Variants in TOGARAM2 observed in about 807,000 individuals in gnomAD.
The protein encoded by TOGARAM2 is TOG array regulator of axonemal microtubules protein 2.
In TOGARAM2, 85 loss-of-function variants were observed where a neutral mutation model predicts 93.3. The observed-to-expected ratio is 0.91, with a 90% CI of 0.76 to 1.09. The LOEUF is 1.09. Among genes scored for constraint, TOGARAM2 ranks in the 50% least tolerant of loss-of-function variants. The probability of loss-of-function intolerance (pLI) is 0.00; values close to 1 mark genes in which losing one functional copy is unlikely to be tolerated. For synonymous variants in TOGARAM2, 593 were observed against 552.8 expected (o/e 1.07, Z -1.02); for missense variants, 1,277 against 1,334.5 (o/e 0.96, Z 0.67).
chr2:29,014,745 G>C (rs887462981), intron 8 of TOGARAM2, among the ~76,000 whole-genome samples, 184 bp downstream of exon 8: 4 of 152,084 alleles, frequency 2.6e-5, no homozygotes, highest in Non-Finnish European at 2.9e-5. Flanking sequence ...GAAGGCTGAA[G>C]AAAGGAAGAG....
upstream of TOGARAM2, among the ~76,000 whole-genome samples, chr2:28,977,602 C>G (rs1672056679): frequency 2.6e-5 from 4 of 152,188 alleles, no homozygotes; most frequent in South Asian, 8.3e-4. Context: ...TTCCTCTCCC[C>G]ACGTGCAGTC....
In TOGARAM2 at chr2:28,956,982, GGGAAT is replaced by G. The variant is rs370413803; in HGVS notation, c.-147+288_-147+292del. 1.6e-4 allele frequency among the ~76,000 whole-genome samples: 24 copies of G among 152,094 alleles called. 1 individual carries two copies. In the East Asian group the frequency reaches 2.4e-3, roughly 15 times the overall value. On this transcript the variant is annotated intron_variant, in intron 1 of 6. Transcript: ENST00000401723. The surrounding 1 kb of genome is among the most constrained non-coding windows in gnomAD (Gnocchi z 4.5). ...TCTACTAAAAGTACAAAAATTGGCC[GGGAAT>G]GGTGGAGGGCATCTGTAATCCCAGG...
chr2:28,979,056 T>C (rs1672075474), upstream of TOGARAM2, among the ~76,000 whole-genome samples: 1 of 152,230 alleles, frequency 6.6e-6, no homozygotes, highest in South Asian at 2.1e-4. Flanking sequence ...CCTTTCTTTC[T>C]GAGGTCTCTT....
In TOGARAM2 at chr2:29,036,547, G is replaced by A; in HGVS notation, c.2425G>A (p.Asp809Asn). The A allele has an allele frequency of 6.2e-7, 1 of 1,613,940 alleles. No individual in the cohort carries two copies. Among genetic ancestry groups the A allele is most frequent in the Non-Finnish European group, 8.5e-7 (1 of 1,179,890 alleles). ...LVTAHLVQVFDAFTPRLQDSN... is the reference protein window; with the variant it reads ...LVTAHLVQVFNAFTPRLQDSN... ...GTTTCTGTTTCTTCAATAGGTCTTT[G>A]ATGCTTTCACCCCAAGGCTTCAGGA... Residue 809 changes from aspartate (D) to asparagine (N), a missense_variant, in exon 18 of 20, where the codon GAT (aspartate) becomes AAT (asparagine). Physicochemically the swap from Asp to Asn is conservative, Grantham distance 23. Transcript: ENST00000379558.
At chr2:28,983,232 G>A (rs931928594) in intron 1 of TOGARAM2, among the ~76,000 whole-genome samples, 1 of 81,140 alleles carries the variant, frequency 1.2e-5, no homozygotes, top group African/African-American at 5.3e-5. Flanking sequence ...TTTTTGTAGA[G>A]ATGGGTTTTT....
chr2:28,985,332 G>GTT (rs10670919), intron 1 of TOGARAM2, among the ~76,000 whole-genome samples: 36,934 of 149,600 alleles, frequency 0.25, 5,114 homozygotes, highest in East Asian at 0.62. Context: ...AATTGCTGGG[G>GTT]TTTTTTTTTT....
intron 18 of TOGARAM2, among the ~76,000 whole-genome samples, 200 bp downstream of exon 18, chr2:29,036,957 G>A (rs1666151657): frequency 6.6e-6 from 1 of 152,148 alleles, no homozygotes; most frequent in African/African-American, 2.4e-5. Context: ...CACACCTCTG[G>A]ACGGCTGGAA....
At chr2:29,017,325 G>A (rs371456773) in intron 9 of TOGARAM2, 21 bp downstream of exon 9, 225 of 1,573,200 alleles carry the variant, frequency 1.4e-4, no homozygotes, top group Non-Finnish European at 1.9e-4. Context: ...CCTGGTGTGG[G>A]ATTTGCTCAG....
chr2:28,989,739 T>C (rs554286436), intron 1 of TOGARAM2, among the ~76,000 whole-genome samples: 1 of 152,300 alleles, frequency 6.6e-6, no homozygotes, highest in African/African-American at 2.4e-5. Flanking sequence ...GGTTTTACTA[T>C]GTTGGCCAGG....
intron 2 of TOGARAM2, among the ~76,000 whole-genome samples, chr2:28,996,799 CAAAAA>C (rs1170607481): frequency 4.9e-5 from 2 of 40,714 alleles, no homozygotes; most frequent in African/African-American, 1.2e-4. Context: ...GACTCCATCT[CAAAAA>C]AAAAAAAAAA....
Position 29,017,213 on chromosome 2 carries a change from G to A in TOGARAM2, c.1104G>A (p.Glu368=). The A allele has an allele frequency of 1.2e-6, 2 of 1,613,942 alleles. No individual in the cohort carries two copies. The highest frequency in any genetic ancestry group is 1.7e-6 in the Non-Finnish European group (2 of 1,179,880). Residue 368 remains glutamate, a synonymous_variant, in exon 9 of 20, where the codon GAG becomes GAA. Coordinates refer to ENST00000379558, the MANE Select transcript of TOGARAM2 (RefSeq NM_199280.4). The part of the protein sequence containing the change: ...REKMQLKQMK[E]MELLRRLEEP... ...AGATGCAGCTGAAGCAGATGAAGGA[G>A]ATGGAGCTGCTTCGGAGGCTGGAGG...
intron 7 of TOGARAM2, 115 bp from the exon 8 acceptor site, chr2:29,014,280 T>C (rs1664418977): frequency 7.8e-7 from 1 of 1,284,124 alleles, no homozygotes; most frequent in Non-Finnish European, 1.1e-6. Flanking sequence ...TCTTGCTCCA[T>C]TGAGGAAGAA....
intron 13 of TOGARAM2, among the ~76,000 whole-genome samples, chr2:29,026,101 G>C (rs765671903): frequency 6.6e-6 from 1 of 152,136 alleles, no homozygotes; most frequent in South Asian, 2.1e-4. Context: ...CATCCCTTCC[G>C]TCAAGCCAAG....
chr2:28,980,511 A>G (rs1427425996), upstream of TOGARAM2, among the ~76,000 whole-genome samples: 1 of 152,190 alleles, frequency 6.6e-6, no homozygotes, highest in East Asian at 1.9e-4. Flanking sequence ...ATACAAATTG[A>G]GTCCTTGGCT....
intron 6 of TOGARAM2, among the ~76,000 whole-genome samples, chr2:29,004,048 T>G (rs1332980169): frequency 6.6e-6 from 1 of 152,200 alleles, no homozygotes; most frequent in Non-Finnish European, 1.5e-5. Context: ...CAGGCTGGAG[T>G]GCAGTGGTGT....
In TOGARAM2 at chr2:28,999,266, C is replaced by G. The variant is rs774685827; in HGVS notation, c.225C>G (p.Leu75=). 2 of 1,613,922 alleles carry G rather than the reference C, an allele frequency of 1.2e-6. No homozygotes were observed. The highest frequency in any genetic ancestry group is 1.7e-6 in the Non-Finnish European group (2 of 1,179,860). The change falls in exon 4 of 20, where the codon CTC becomes CTG. Residue 75 remains leucine, a synonymous_variant. Coordinates refer to ENST00000379558, the MANE Select transcript of TOGARAM2 (RefSeq NM_199280.4). The part of the protein sequence containing the change: ...LLRGLGQLGG[L]KLDTPSKGWQ... ...GTGGACTCGGACAGCTGGGTGGCCT[C>G]AAGCTGGACACCCCTTCCAAGGGCT... is the stretch of plus-strand genomic sequence containing the variant.
intron 18 of TOGARAM2, among the ~76,000 whole-genome samples, chr2:29,038,386 G>A (rs11684613): frequency 0.27 from 40,618 of 152,124 alleles, 6,266 homozygotes; most frequent in Admixed American, 0.37. Flanking sequence ...ATGGAATGGT[G>A]TGGCCCTCAA....
In TOGARAM2 at chr2:29,035,582, C is replaced by T. The variant is rs143199463; in HGVS notation, c.2344C>T (p.Arg782Trp). The change falls in exon 17 of 20, where the codon CGG becomes TGG. Residue 782 changes from arginine (R) to tryptophan (W), a missense_variant. Physicochemically the swap from Arg to Trp is moderately radical, Grantham distance 101 (BLOSUM62 -3). Coordinates refer to ENST00000379558, the MANE Select transcript of TOGARAM2 (RefSeq NM_199280.4). Reference sequence around the variant, plus strand: ...GCTGGAGGCCAAGGACTTCCGGTCCCGGATGGAAGGCGTGGGGCAGCTCCT... The same window carrying T: ...GCTGGAGGCCAAGGACTTCCGGTCCTGGATGGAAGGCGTGGGGCAGCTCCT... ...RLLEAKDFRSRMEGVGQLLEL... is the reference protein window; with the variant it reads ...RLLEAKDFRSWMEGVGQLLEL... 3.5e-5 allele frequency: 56 copies of T among 1,589,942 alleles called. No individual in the cohort carries two copies. In the Admixed American group the frequency reaches 5.2e-4, roughly 15 times the overall value.
intron 9 of TOGARAM2, 36 bp downstream of exon 9, chr2:29,017,340 G>A: frequency 6.6e-7 from 1 of 1,526,460 alleles, no homozygotes; most frequent in Non-Finnish European, 8.8e-7. Context: ...GCTCAGGCCT[G>A]GGGAGCTGAG....
Sources: allele counts gnomAD v4.1 joint callset (sites outside exome capture counted in the v4.1 genomes callset), GRCh38; gene constraint gnomAD v4.1.1; non-coding constraint Gnocchi (gnomAD v3.1); transcripts MANE v1.5; gene names NCBI Gene and HGNC (gene_info 2026-07-23, HGNC 2026-07-21).